SORBS2: variants seen among roughly 807,000 people sequenced by gnomAD.
SORBS2 encodes sorbin and SH3 domain containing 2.
Under a neutral mutation model 97.7 loss-of-function variants are expected in SORBS2, and 46 were observed. The observed-to-expected ratio is 0.47, with a 90% confidence interval of 0.37 to 0.60. SORBS2 has a LOEUF of 0.60. Among genes scored for constraint, SORBS2 ranks in the 20% least tolerant of loss-of-function variants. SORBS2 has a pLI of 0.00. For missense variants in SORBS2, 1,316 were observed against 1,282.3 expected (o/e 1.03, Z -0.40); for synonymous variants, 476 against 473.4 (o/e 1.01, Z -0.07).
intron 1 of SORBS2, among the ~76,000 whole-genome samples, chr4:185,867,255 C>A (rs1179642418): frequency 6.6e-6 from 1 of 152,192 alleles, no homozygotes; most frequent in African/African-American, 2.4e-5. Context: ...CGTGATCCGC[C>A]CGCCTCAGCC....
chr4:185,698,004 A>G (rs2098202371), intron 2 of SORBS2, among the ~76,000 whole-genome samples: 1 of 152,228 alleles, frequency 6.6e-6, no homozygotes, highest in South Asian at 2.1e-4. Flanking sequence ...GACTTTAAGT[A>G]GAAGCAAGCA....
intron 2 of SORBS2, among the ~76,000 whole-genome samples, chr4:185,700,282 T>C (rs1232528211): frequency 6.6e-6 from 1 of 150,398 alleles, no homozygotes; most frequent in Admixed American, 6.7e-5. Flanking sequence ...ACTTTTAAAG[T>C]GTCCACATGA....
At chr4:185,948,086 G>A (rs1053321553) in intron 1 of SORBS2, among the ~76,000 whole-genome samples, 3 of 151,992 alleles carry the variant, frequency 2.0e-5, no homozygotes, top group African/African-American at 4.8e-5. Context: ...ACTCTGGCTC[G>A]TTTCTGTAGG....
intron 1 of SORBS2, among the ~76,000 whole-genome samples, chr4:185,854,597 T>G (rs922025013): frequency 2.0e-5 from 3 of 152,226 alleles, no homozygotes; most frequent in Admixed American, 2.0e-4. Flanking sequence ...TTATTCAGTT[T>G]GTGAAATGAA....
chr4:185,874,587 C>CT (rs1443060049), intron 1 of SORBS2, among the ~76,000 whole-genome samples: 3 of 152,310 alleles, frequency 2.0e-5, no homozygotes, highest in African/African-American at 7.2e-5. Flanking sequence ...TAAGAAGCAG[C>CT]TTTAGGGCCA....
chr4:185,771,552 T>G (rs1341834039), intron 2 of SORBS2: 2 of 152,218 alleles, frequency 1.3e-5, no homozygotes, highest in African/African-American at 4.8e-5. Flanking sequence ...ACTTCCAAAT[T>G]GTGTTATTGC....
rs184793799 is a variant in SORBS2 at position 185,739,263 on chromosome 4, A to G, written c.-198+35964T>C. ...GCTGAATAAATAGTCTTACAGTTGG[A>G]AATATAGGGCAAAACAAAACACAGG... On this transcript the variant is annotated intron_variant, in intron 2 of 20. Transcript: ENST00000284776. 8.5e-5 allele frequency among the ~76,000 whole-genome samples: 13 copies of G among 152,346 alleles called. No individual in the cohort carries two copies. In the East Asian group the frequency reaches 2.5e-3, roughly 29 times the overall value.
chr4:185,815,599 C>T (rs62335715), intron 1 of SORBS2, among the ~76,000 whole-genome samples: 39,817 of 151,808 alleles, frequency 0.26, 5,433 homozygotes, highest in Middle Eastern at 0.34. Flanking sequence ...AATATATTAT[C>T]ATCAAAGAAT....
chr4:185,935,267 T>A (rs1392246322), intron 1 of SORBS2, among the ~76,000 whole-genome samples: 1 of 152,216 alleles, frequency 6.6e-6, no homozygotes, highest in East Asian at 1.9e-4. Context: ...CAAGCTTCTG[T>A]CCCACCATAA....
At chr4:185,795,024 C>T (rs1185786517) in intron 1 of SORBS2, among the ~76,000 whole-genome samples, 2 of 152,080 alleles carry the variant, frequency 1.3e-5, no homozygotes, top group Non-Finnish European at 2.9e-5. Flanking sequence ...ACAGATGATG[C>T]CTAAAAACAC....
intron 4 of SORBS2, chr4:185,677,346 G>A (rs747963241): frequency 1.9e-6 from 3 of 1,552,374 alleles, no homozygotes; most frequent in Non-Finnish European, 1.7e-6. Flanking sequence ...TTGTAGAACT[G>A]GGGTGTTGAT....
At chr4:185,676,908 T>A in intron 4 of SORBS2, 1 of 1,021,950 alleles carries the variant, frequency 9.8e-7, no homozygotes, top group Non-Finnish European at 1.4e-6. Context: ...TAAGAAAGCA[T>A]TAGGTCATAT....
chr4:185,888,446 A>G lies in SORBS2; in HGVS notation c.-338+67750T>C, dbSNP rs530510485. Among the ~76,000 whole-genome samples, 11 of 152,282 alleles carry G rather than the reference A, an allele frequency of 7.2e-5. No individual in the cohort carries two copies. In the South Asian group the frequency reaches 2.3e-3, roughly 32 times the overall value. The stretch of plus-strand genomic sequence containing the variant: ...CCACCAAAATTTGGAAGAAGCAAAG[A>G]TTAAATTTCCCCTAGGGCCTCCAGA... On this transcript the variant is annotated intron_variant, in intron 1 of 20. Coordinates refer to the SORBS2 transcript ENST00000284776.
At position 185,720,620 on chromosome 4, in the gene SORBS2, G is replaced by T. The variant is rs367552550; in HGVS notation, c.-197-41798C>A. Among the ~76,000 whole-genome samples the T allele has an allele frequency of 1.4e-4, 21 of 152,134 alleles. 1 individual carries two copies. The highest frequency in any genetic ancestry group is 4.8e-4 in the African/African-American group (20 of 41,500). ...ATCTAAGAGATTGGCCTGGGCCTCC[G>T]GTACCCAGGTGCTCTGCCTTGTGAC... On this transcript the variant is annotated intron_variant, in intron 2 of 20. Coordinates refer to the SORBS2 transcript ENST00000284776.
chr4:185,946,606 CAAAGT>C (rs1255246495), intron 1 of SORBS2, among the ~76,000 whole-genome samples: 2 of 152,134 alleles, frequency 1.3e-5, no homozygotes, highest in Admixed American at 6.6e-5. Flanking sequence ...AAATACAAAG[CAAAGT>C]AAACAAACAA....
rs779992601 is a variant in SORBS2, at chr4:185,624,330, G to A, written c.799C>T (p.Gln267Ter). The A allele has an allele frequency of 6.2e-7, 1 of 1,614,172 alleles. No individual in the cohort carries two copies. Among genetic ancestry groups the A allele is most frequent in the East Asian group, 2.2e-5 (1 of 44,876 alleles). Residue 267 changes from glutamine (Q) to a stop codon, truncating the protein, a stop_gained, in exon 7 of 15, where the codon CAA becomes TAA. Transcript: ENST00000418609. LOFTEE classifies it high-confidence loss of function. ...GTGCTGCTCCAGATTTCTGCGTTTTGCCGGGCCATTTGCCAGCCGTTCTTG... is the reference window on the plus strand; with the variant it reads ...GTGCTGCTCCAGATTTCTGCGTTTTACCGGGCCATTTGCCAGCCGTTCTTG...
intron 1 of SORBS2, among the ~76,000 whole-genome samples, chr4:185,800,043 T>A (rs4862575): frequency 0.99 from 150,362 of 152,228 alleles, 74,287 homozygotes; most frequent in Middle Eastern, 1. Flanking sequence ...CTAAAAATAC[T>A]ATTAGCTGAG....
chr4:185,895,838 T>C (rs1277160227), intron 1 of SORBS2, among the ~76,000 whole-genome samples: 1 of 152,244 alleles, frequency 6.6e-6, no homozygotes, highest in African/African-American at 2.4e-5. Flanking sequence ...TTTCAAATAA[T>C]TCTGGCCAAT....
In SORBS2 at chr4:185,607,576, T is replaced by C. The variant is rs1232287269; in HGVS notation, c.2796+4204A>G. ...CATTTATGTTAATTAGAAAAGTTAC[T>C]TCACAAATGAAACTCTACTAGTTTT... is the stretch of plus-strand genomic sequence containing the variant. On this transcript the variant is annotated intron_variant, in intron 12 of 14. Transcript: ENST00000418609. The surrounding 1 kb of genome is among the most constrained non-coding windows in gnomAD (Gnocchi z 5.2). Among the ~76,000 whole-genome samples the C allele has an allele frequency of 6.6e-6, 1 of 152,156 alleles. No individual in the cohort carries two copies. Among genetic ancestry groups the C allele is most frequent in the Non-Finnish European group, 1.5e-5 (1 of 68,030 alleles).
Sources: gnomAD v4.1 joint callset for allele counts (sites outside exome capture counted in the v4.1 genomes callset) on GRCh38, gnomAD v4.1.1 for gene constraint, Gnocchi (gnomAD v3.1) non-coding constraint, MANE v1.5 for transcripts, NCBI Gene and HGNC (gene_info 2026-07-23, HGNC 2026-07-21) for gene names.